The following UFD1 variants were observed in gnomAD, a reference collection of about 807,000 sequenced individuals.
The protein encoded by UFD1 is ubiquitin recognition factor in ER-associated degradation protein 1.
In UFD1, 13 loss-of-function variants were observed where a neutral mutation model predicts 45.9. That is an observed-to-expected ratio of 0.28 (90% confidence interval 0.18 to 0.45). The LOEUF (loss-of-function observed/expected upper bound fraction) is 0.45, where lower values mean the gene tolerates loss of function less well. Among genes scored for constraint, UFD1 ranks in the 20% least tolerant of loss-of-function variants. The pLI, the probability that UFD1 is intolerant of heterozygous loss-of-function variation, is 1.00. For missense variants in UFD1, 218 were observed against 389.2 expected (o/e 0.56, Z 3.70); for synonymous variants, 128 against 139.2 (o/e 0.92, Z 0.56).
intron 11 of UFD1, chr22:19,453,785 T>G (rs1480868269): frequency 7.6e-5 from 75 of 985,152 alleles, no homozygotes; most frequent in Non-Finnish European, 8.9e-5. Context: ...GAGAAAAGAG[T>G]TCAGTAATTG....
intron 1 of UFD1, among the ~76,000 whole-genome samples, chr22:19,477,402 T>G (rs998908016): frequency 6.6e-6 from 1 of 152,224 alleles, no homozygotes; most frequent in Non-Finnish European, 1.5e-5. Context: ...GGATGAACCT[T>G]GAGGATATCA....
At chr22:19,467,253 A>C (rs1007916281) in intron 5 of UFD1, 1 of 151,820 alleles carries the variant, frequency 6.6e-6, no homozygotes, top group Non-Finnish European at 1.5e-5. Context: ...TAACAGGAAA[A>C]ATCAGGGCCA....
At chr22:19,472,536 G>A (rs541841717) in intron 3 of UFD1, among the ~76,000 whole-genome samples, 1 of 152,336 alleles carries the variant, frequency 6.6e-6, no homozygotes, top group South Asian at 2.1e-4. Flanking sequence ...AGGCAAGTAA[G>A]CTGGACTGGT....
Position 19,456,511 on chromosome 22 carries a change from AGAACACCTT to A in UFD1, c.678+67_678+75del, listed in dbSNP as rs1033431916. The A allele has an allele frequency of 1.3e-5, 21 of 1,597,820 alleles. 1 individual carries two copies. The highest frequency in any genetic ancestry group is 1.8e-5 in the Non-Finnish European group (21 of 1,165,498). On this transcript the variant is annotated intron_variant, in intron 9 of 11. Coordinates refer to ENST00000263202, the MANE Select transcript of UFD1 (RefSeq NM_005659.7). The stretch of plus-strand genomic sequence containing the variant: ...TGCTGATGTCCATCGAGCATCATGG[AGAACACCTT>A]GAGTGAGTGCTCTAATTTCAAGGAG...
At chr22:19,468,740 C>T (rs2089822465) in intron 4 of UFD1, among the ~76,000 whole-genome samples, 1 of 152,214 alleles carries the variant, frequency 6.6e-6, no homozygotes, top group African/African-American at 2.4e-5. Flanking sequence ...GCACCGAGCC[C>T]TGACAGTTGG....
At chr22:19,464,179 GCACTGA>G (rs1882284613) in intron 6 of UFD1, among the ~76,000 whole-genome samples, 1 of 152,222 alleles carries the variant, frequency 6.6e-6, no homozygotes, top group Admixed American at 6.5e-5. Flanking sequence ...CTGGATCCCT[GCACTGA>G]CACCAAGGGA....
intron 7 of UFD1, 108 bp downstream of exon 7, chr22:19,457,961 CAG>C: frequency 9.1e-7 from 1 of 1,100,008 alleles, no homozygotes; most frequent in Non-Finnish European, 1.4e-6. Context: ...CCTCTTTACC[CAG>C]AGTCCCAGGG....
At chr22:19,458,403 A>T (rs1332517560) in intron 6 of UFD1, among the ~76,000 whole-genome samples, 3 of 152,202 alleles carry the variant, frequency 2.0e-5, no homozygotes, top group Non-Finnish European at 4.4e-5. Context: ...GACACTAACA[A>T]CCTTTAACCT....
intron 1 of UFD1, 148 bp from the exon 2 acceptor site, chr22:19,475,750 A>C: frequency 9.6e-7 from 1 of 1,036,456 alleles, no homozygotes; most frequent in Non-Finnish European, 1.4e-6. Flanking sequence ...CTAAATACAA[A>C]ACAGGCCATG....
At chr22:19,460,354 G>C (rs1285199158) in intron 6 of UFD1, among the ~76,000 whole-genome samples, 1 of 152,162 alleles carries the variant, frequency 6.6e-6, no homozygotes, top group African/African-American at 2.4e-5. Flanking sequence ...AACCAACAGG[G>C]CTGCAAGCAG....
chr22:19,450,651 A>C lies in UFD1; in HGVS notation c.*19T>G. 6.2e-7 allele frequency: 1 copy of C among 1,613,892 alleles called. No homozygotes were observed. The highest frequency in any genetic ancestry group is 8.5e-7 in the Non-Finnish European group (1 of 1,179,896). On this transcript the variant is annotated 3_prime_UTR_variant, in exon 12 of 12. Transcript: ENST00000263202. The stretch of plus-strand genomic sequence containing the variant: ...CAAATGATTCTTTTATTATTTTCCA[A>C]TCAGCCAACAGTCCTCACTTAGGGC...
chr22:19,454,899 G>A (rs1428973113), intron 10 of UFD1, 69 bp from the exon 11 acceptor site: 42 of 1,526,386 alleles, frequency 2.8e-5, no homozygotes, highest in Middle Eastern at 2.1e-4. Context: ...ATTTTTGACA[G>A]TCAAGAGGAA....
chr22:19,456,509 G>A (rs1474592374), intron 9 of UFD1, 78 bp downstream of exon 9: 1 of 1,592,006 alleles, frequency 6.3e-7, no homozygotes, highest in Non-Finnish European at 8.6e-7. Context: ...CGAGCATCAT[G>A]GAGAACACCT....
chr22:19,453,519 T>C (rs1283349101), intron 11 of UFD1: 6 of 985,486 alleles, frequency 6.1e-6, no homozygotes, highest in Non-Finnish European at 7.2e-6. Context: ...GGACGTCCCA[T>C]GCTAAGGTCT....
chr22:19,455,607 G>A, intron 10 of UFD1, 73 bp downstream of exon 10: 2 of 1,455,036 alleles, frequency 1.4e-6, no homozygotes, highest in Admixed American at 3.6e-5. Context: ...CAGAACTGGG[G>A]TGAGGCTGCC....
chr22:19,468,063 G>A, intron 4 of UFD1, 60 bp from the exon 5 acceptor site: 1 of 1,604,892 alleles, frequency 6.2e-7, no homozygotes, highest in Non-Finnish European at 8.5e-7. Flanking sequence ...CACAACCACT[G>A]CTCCCTATAC....
chr22:19,468,508 A>G (rs1300749356), intron 4 of UFD1, among the ~76,000 whole-genome samples: 1 of 152,228 alleles, frequency 6.6e-6, no homozygotes, highest in African/African-American at 2.4e-5. Context: ...CAAAGCCTCC[A>G]CATGTCTCTA....
intron 11 of UFD1, chr22:19,454,037 C>T: frequency 1.0e-6 from 1 of 985,694 alleles, no homozygotes. Context: ...CCTTGCCTTC[C>T]TCTGTCCCGC....
intron 10 of UFD1, 97 bp downstream of exon 10, chr22:19,455,583 C>T (rs2089716491): frequency 2.6e-6 from 3 of 1,163,006 alleles, no homozygotes; most frequent in East Asian, 2.4e-5. Flanking sequence ...GACTACTGAC[C>T]CAGGCTTTGT....
Sources: gnomAD v4.1 joint callset for allele counts (sites outside exome capture counted in the v4.1 genomes callset) on GRCh38, gnomAD v4.1.1 for gene constraint, MANE v1.5 for transcripts, NCBI Gene and HGNC (gene_info 2026-07-23, HGNC 2026-07-21) for gene names.